The following EDNRB variants were observed in gnomAD, a reference collection of about 807,000 sequenced individuals.
The protein encoded by EDNRB is Hirschsprung disease 2.
Under a neutral mutation model 46.4 loss-of-function variants are expected in EDNRB, and 18 were observed. That is an observed-to-expected ratio of 0.39 (90% confidence interval 0.27 to 0.57). EDNRB has a LOEUF of 0.57. EDNRB is among the 20% of genes least tolerant of loss of function. EDNRB has a pLI of 0.61. For synonymous variants in EDNRB, 213 were observed against 204.9 expected, an observed-to-expected ratio of 1.04 and a Z score of -0.34; for missense variants, 434 against 537.5, an observed-to-expected ratio of 0.81 and a Z score of 1.90.
chr13:77,962,855 T>C (rs1262177647), intron 1 of EDNRB, among the ~76,000 whole-genome samples: 1 of 152,202 alleles, frequency 6.6e-6, no homozygotes. Flanking sequence ...GATGACATGA[T>C]TGTATATTTA....
At chr13:77,944,940 G>C (rs1041941600) in intron 1 of EDNRB, 1 of 152,156 alleles carries the variant, frequency 6.6e-6, no homozygotes, top group Non-Finnish European at 1.5e-5. Context: ...TGGATGCCTG[G>C]GGTAAAGAAA....
chr13:77,975,161 C>A (rs12720107), intron 1 of EDNRB, among the ~76,000 whole-genome samples: 1 of 152,184 alleles, frequency 6.6e-6, no homozygotes, highest in Non-Finnish European at 1.5e-5. Context: ...TACAGGCACA[C>A]CATCGGTGAT....
At position 77,962,467 on chromosome 13, in the gene EDNRB, C is replaced by A. The variant is rs1260040983; in HGVS notation, c.-52+12880G>T. ...TGGGCTTCATCCTGCTGGTTCAACA[C>A]ACACAAATCAATAAATGTAATCCAG... On this transcript the variant is annotated intron_variant, in intron 1 of 7. Transcript: ENST00000646948. Among the ~76,000 whole-genome samples the A allele has an allele frequency of 4.6e-5, 7 of 151,902 alleles. No individual in the cohort carries two copies. In the South Asian group the frequency reaches 1.0e-3, roughly 23 times the overall value.
intron 1 of EDNRB, among the ~76,000 whole-genome samples, chr13:77,944,281 T>G (rs1193001372): frequency 1.3e-5 from 2 of 152,122 alleles, no homozygotes; most frequent in African/African-American, 4.8e-5. Context: ...TCTTGAATAT[T>G]GAACCAATCT....
At chr13:77,925,797 A>G (rs1368687665) in intron 1 of EDNRB, among the ~76,000 whole-genome samples, 1 of 152,204 alleles carries the variant, frequency 6.6e-6, no homozygotes, top group Non-Finnish European at 1.5e-5. Context: ...TCCAGACCCC[A>G]GAGTGGTAGA....
Position 77,896,730 on chromosome 13 carries a change from G to A in EDNRB, c.*1470C>T, listed in dbSNP as rs1299794377. ...GAGGCAATGACGAACGTTAGGCTAA[G>A]AATGGGAATCTGTCCCCATGGGTTT... On this transcript the variant is annotated 3_prime_UTR_variant, in exon 7 of 7. Transcript: ENST00000646607. The A allele has an allele frequency of 1.4e-6, 2 of 1,390,124 alleles. No homozygotes were observed. Among genetic ancestry groups the A allele is most frequent in the East Asian group, 5.6e-5 (2 of 35,706 alleles). The allele number at this position is 1,390,124 out of a possible 1,614,324, so 86.1% of individuals were successfully genotyped here.
chr13:77,912,130 T>C (rs570936754), intron 1 of EDNRB, among the ~76,000 whole-genome samples: 1 of 152,114 alleles, frequency 6.6e-6, no homozygotes, highest in East Asian at 1.9e-4. Context: ...TATCCTTTTG[T>C]ACAACTATGG....
chr13:77,903,699 T>TTTATCCTACTCTGC, intron 1 of EDNRB, 92 bp from the exon 2 acceptor site: 2 of 1,050,576 alleles, frequency 1.9e-6, no homozygotes, highest in Non-Finnish European at 2.9e-6. Flanking sequence ...ACATGCAGAG[T>TTTATCCTACTCTGC]AGGATAAACT....
chr13:77,969,283 C>A (rs1383119642), intron 1 of EDNRB, among the ~76,000 whole-genome samples: 3 of 152,186 alleles, frequency 2.0e-5, no homozygotes, highest in Non-Finnish European at 1.5e-5. Flanking sequence ...TATGGTTGAA[C>A]TGTAAAGTTA....
chr13:77,898,645 C>T (rs1187511742), intron 6 of EDNRB, among the ~76,000 whole-genome samples: 1 of 151,846 alleles, frequency 6.6e-6, no homozygotes, highest in East Asian at 2.0e-4. Context: ...AAGACTTTTC[C>T]CCATGAAAAC....
At chr13:77,945,901 A>AAAAAAAAC (rs1391892820) in intron 1 of EDNRB, among the ~76,000 whole-genome samples, 11 of 150,824 alleles carry the variant, frequency 7.3e-5, no homozygotes, top group Admixed American at 1.3e-4. Flanking sequence ...AAACAAAAAA[A>AAAAAAAAC]ACACACAATC....
intron 1 of EDNRB, among the ~76,000 whole-genome samples, chr13:77,941,847 G>A (rs1319584894): frequency 6.6e-6 from 1 of 152,162 alleles, no homozygotes; most frequent in Non-Finnish European, 1.5e-5. Flanking sequence ...GTTATATACA[G>A]TACCATTTTG....
chr13:77,964,112 C>G (rs1352620892), intron 1 of EDNRB, among the ~76,000 whole-genome samples: 1 of 152,128 alleles, frequency 6.6e-6, no homozygotes, highest in Non-Finnish European at 1.5e-5. Flanking sequence ...ATTAAAAAGT[C>G]AGGAAACAAC....
intron 1 of EDNRB, among the ~76,000 whole-genome samples, chr13:77,929,032 A>G (rs958470574): frequency 1.1e-4 from 16 of 152,192 alleles, no homozygotes; most frequent in African/African-American, 3.6e-4. Context: ...TTCATCAGCT[A>G]TAAATTTTAG....
Position 77,903,196 on chromosome 13 carries a change from A to G in EDNRB, c.761T>C (p.Ile254Thr), listed in dbSNP as rs371057149. The change falls in exon 3 of 7, where the codon ATC becomes ACC. Residue 254 changes from isoleucine to threonine, a missense_variant. By Grantham distance (89) the Ile-to-Thr change is moderately conservative. Coordinates refer to ENST00000646607, the MANE Select transcript of EDNRB (RefSeq NM_001122659.3). ...CTTCTGAACGGGATGAAGCAAGCAGATTCGCAGATAACTTCCTTTGTAGTC... is the reference window on the plus strand; with the variant it reads ...CTTCTGAACGGGATGAAGCAAGCAGGTTCGCAGATAACTTCCTTTGTAGTC... The part of the protein sequence containing the change: ...TMDYKGSYLR[I>T]CLLHPVQKTA... 16 of 1,612,836 alleles carry G rather than the reference A, an allele frequency of 9.9e-6. No homozygotes were observed. In the African/African-American group the frequency reaches 2.1e-4, roughly 22 times the overall value.
chr13:77,925,732 C>A (rs1003166939), intron 1 of EDNRB, among the ~76,000 whole-genome samples: 1 of 152,230 alleles, frequency 6.6e-6, no homozygotes, highest in African/African-American at 2.4e-5. Flanking sequence ...AGCCCCCACA[C>A]AGAGTCCCTA....
chr13:77,899,959 A>G lies in EDNRB; in HGVS notation c.1094T>C (p.Leu365Ser). 1 of 1,611,574 alleles carries G rather than the reference A, an allele frequency of 6.2e-7. No individual in the cohort carries two copies. Among genetic ancestry groups the G allele is most frequent in the Non-Finnish European group, 8.5e-7 (1 of 1,178,548 alleles). The change falls in exon 6 of 7, where the codon TTG (leucine) becomes TCG (serine). Residue 365 changes from leucine to serine, a missense_variant. Coordinates refer to ENST00000646607, the MANE Select transcript of EDNRB (RefSeq NM_001122659.3). ...GTTGATACCAATATAGTCCAATACCAACAGAAAGCTGCAACAAAATAACCC... is the reference window on the plus strand; with the variant it reads ...GTTGATACCAATATAGTCCAATACCGACAGAAAGCTGCAACAAAATAACCC... The part of the protein sequence containing the change: ...PNRCELLSFL[L>S]VLDYIGINMA...
chr13:77,953,453 G>A (rs1881148611), intron 1 of EDNRB, among the ~76,000 whole-genome samples: 1 of 151,844 alleles, frequency 6.6e-6, no homozygotes, highest in Non-Finnish European at 1.5e-5. Context: ...AGTCTTAAAA[G>A]GCTGGTAGAA....
rs150924604 is a variant in EDNRB, at chr13:77,954,922, T to C, written c.-52+20425A>G. Among the ~76,000 whole-genome samples, 559 of 152,342 alleles carry C rather than the reference T, an allele frequency of 3.7e-3. 4 individuals carry two copies. Among genetic ancestry groups the C allele is most frequent in the African/African-American group, 0.012 (515 of 41,582 alleles). On this transcript the variant is annotated intron_variant, in intron 1 of 7. Coordinates refer to the EDNRB transcript ENST00000646948. ...TTGGCTATTGTAAACAACACTGCAA[T>C]GAACATAAAAATGTAGCTATCTGCC...
Sources: allele counts gnomAD v4.1 joint callset (sites outside exome capture counted in the v4.1 genomes callset), GRCh38; gene constraint gnomAD v4.1.1; transcripts MANE v1.5; gene names NCBI Gene and HGNC (gene_info 2026-07-23, HGNC 2026-07-21).